Variants in TBC1D8 observed in about 807,000 individuals in gnomAD.
TBC1D8 encodes TBC1 domain family member 8.
In TBC1D8, 65 loss-of-function variants were observed where a neutral mutation model predicts 118.8. The observed-to-expected ratio is 0.55, with a 90% CI of 0.45 to 0.67. The LOEUF (loss-of-function observed/expected upper bound fraction) is 0.67. TBC1D8 is among the 30% of genes least tolerant of loss of function. The pLI is 0.00. For missense variants in TBC1D8, 1,376 were observed against 1,471.2 expected (o/e 0.94, Z 1.06); for synonymous variants, 566 against 595.8 (o/e 0.95, Z 0.73).
intron 1 of TBC1D8, among the ~76,000 whole-genome samples, chr2:101,092,620 G>T (rs561457700): frequency 6.6e-6 from 1 of 152,084 alleles, no homozygotes. Flanking sequence ...ATTGTCCCAG[G>T]TTTGGCCAGT....
intron 1 of TBC1D8, among the ~76,000 whole-genome samples, chr2:101,148,916 G>A (rs1679430139): frequency 6.6e-6 from 1 of 152,126 alleles, no homozygotes; most frequent in Non-Finnish European, 1.5e-5. Flanking sequence ...CCACCACAGA[G>A]CTGCCCTGTG....
intron 1 of TBC1D8, among the ~76,000 whole-genome samples, chr2:101,141,183 G>A (rs1679083841): frequency 6.6e-6 from 1 of 151,934 alleles, no homozygotes; most frequent in Admixed American, 6.6e-5. Flanking sequence ...AATAATTTCA[G>A]TTAGATCGTG....
intron 15 of TBC1D8, chr2:101,023,572 T>G (rs1207811249): frequency 2.5e-6 from 1 of 408,098 alleles, no homozygotes; most frequent in Non-Finnish European, 4.9e-6. Context: ...TTGCATATTT[T>G]TAATACTTTC....
intron 5 of TBC1D8, among the ~76,000 whole-genome samples, chr2:101,045,042 C>G (rs1681612198): frequency 6.6e-6 from 1 of 152,140 alleles, no homozygotes; most frequent in Non-Finnish European, 1.5e-5. Context: ...CCCAACCACC[C>G]TATCTTAACA....
intron 1 of TBC1D8, among the ~76,000 whole-genome samples, chr2:101,092,465 G>A (rs76339262): frequency 6.6e-6 from 1 of 152,124 alleles, no homozygotes; most frequent in Non-Finnish European, 1.5e-5. Context: ...CGAGTATTCT[G>A]TGGAGAAGTA....
At chr2:101,131,250 C>T (rs566796383) in intron 1 of TBC1D8, among the ~76,000 whole-genome samples, 4 of 152,230 alleles carry the variant, frequency 2.6e-5, no homozygotes, top group Admixed American at 6.5e-5. Context: ...CGGTGGCTCA[C>T]GCCTGTAATC....
intron 17 of TBC1D8, chr2:101,017,771 A>G: frequency 6.9e-7 from 1 of 1,442,652 alleles, no homozygotes; most frequent in Non-Finnish European, 9.5e-7. Flanking sequence ...ATAAGATGTT[A>G]CCAAAATCTT....
Position 101,008,286 on chromosome 2 carries a change from T to TAAG in TBC1D8, c.3016-16_3016-14dup, listed in dbSNP as rs1558962428. 1.3e-6 allele frequency: 2 copies of TAAG among 1,512,882 alleles called. No homozygotes were observed. Among genetic ancestry groups the TAAG allele is most frequent in the Non-Finnish European group, 1.8e-6 (2 of 1,132,034 alleles). The allele number at this position is 1,512,882 out of a possible 1,614,324, so 93.7% of individuals were successfully genotyped here. A position where few individuals can be genotyped will look rare whatever the true frequency, so the allele number is the denominator to read the frequency against. On this transcript the variant is annotated splice_polypyrimidine_tract_variant and intron_variant, in intron 19 of 19. Coordinates refer to ENST00000409318, the MANE Select transcript of TBC1D8 (RefSeq NM_001330348.2). ...GGATAAATTCTCTCTGAAATTGAAA[T>TAAG]AAGTCTTAGGTAGCAGCAGAACCAG...
At chr2:101,142,914 T>C (rs1679169948) in intron 1 of TBC1D8, among the ~76,000 whole-genome samples, 1 of 152,140 alleles carries the variant, frequency 6.6e-6, no homozygotes, top group Admixed American at 6.6e-5. Context: ...ATATATAGTG[T>C]TTGCTCCATT....
intron 17 of TBC1D8, among the ~76,000 whole-genome samples, chr2:101,016,757 A>G (rs1347647087): frequency 6.6e-6 from 1 of 152,212 alleles, no homozygotes; most frequent in East Asian, 1.9e-4. Flanking sequence ...AAAAATGATG[A>G]GTTCATGTCC....
chr2:101,071,548 A>G (rs1200271069), intron 2 of TBC1D8, among the ~76,000 whole-genome samples: 5 of 152,204 alleles, frequency 3.3e-5, no homozygotes, highest in Non-Finnish European at 7.3e-5. Flanking sequence ...TATAACACTA[A>G]CCATTATTTG....
At chr2:101,146,759 G>A (rs1394105389) in intron 1 of TBC1D8, among the ~76,000 whole-genome samples, 2 of 152,090 alleles carry the variant, frequency 1.3e-5, no homozygotes, top group Admixed American at 6.6e-5. Context: ...TAGCTATTCT[G>A]TAATACACGG....
chr2:101,098,831 C>T (rs1217746892), intron 1 of TBC1D8, among the ~76,000 whole-genome samples: 8 of 152,074 alleles, frequency 5.3e-5, no homozygotes, highest in Non-Finnish European at 1.0e-4. Context: ...AAAAAGACAA[C>T]GTACCAGAAT....
chr2:101,038,580 C>A lies in TBC1D8; in HGVS notation c.1156G>T (p.Ala386Ser). Residue 386 changes from alanine to serine, a missense_variant, in exon 7 of 20, where the codon GCC becomes TCC. Physicochemically the swap from Ala to Ser is moderately conservative, Grantham distance 99. Coordinates refer to ENST00000409318, the MANE Select transcript of TBC1D8 (RefSeq NM_001330348.2). ...TCCCGGAGCTCAATGAACTGGAAGG[C>A]CACCTTGCTTCTGATACTGACAATG... ...PIIVSIRSKV[A>S]FQFIELRDRD... 1 of 1,613,910 alleles carries A rather than the reference C, an allele frequency of 6.2e-7. No homozygotes were observed.
intron 3 of TBC1D8, among the ~76,000 whole-genome samples, chr2:101,056,041 CTT>C (rs113118928): frequency 0.012 from 1,653 of 142,630 alleles, 15 homozygotes; most frequent in Middle Eastern, 0.029. Flanking sequence ...TAACATTTCT[CTT>C]TTTTTTTTTT....
intron 1 of TBC1D8, among the ~76,000 whole-genome samples, chr2:101,137,399 G>A (rs1240701476): frequency 6.6e-6 from 1 of 151,836 alleles, no homozygotes; most frequent in Non-Finnish European, 1.5e-5. Context: ...TGCAAGCTCC[G>A]CCTCCCGGGT....
chr2:101,038,442 G>C lies in TBC1D8; in HGVS notation c.1275+19C>G. ...TGAGACATGAAGAAGGGGATCATCAGGGTCTGGAGGGACCATACCATGTCA... is the reference window on the plus strand; with the variant it reads ...TGAGACATGAAGAAGGGGATCATCACGGTCTGGAGGGACCATACCATGTCA... On this transcript the variant is annotated intron_variant, in intron 7 of 19. Coordinates refer to ENST00000409318, the MANE Select transcript of TBC1D8 (RefSeq NM_001330348.2). 1.2e-6 allele frequency: 2 copies of C among 1,606,940 alleles called. No homozygotes were observed. The highest frequency in any genetic ancestry group is 1.7e-6 in the Non-Finnish European group (2 of 1,174,736).
intron 1 of TBC1D8, among the ~76,000 whole-genome samples, chr2:101,098,457 A>G (rs1301937297): frequency 6.6e-6 from 1 of 152,138 alleles, no homozygotes; most frequent in Non-Finnish European, 1.5e-5. Flanking sequence ...TTAGATCAAC[A>G]AGACAGAAAA....
rs761982045 is a variant in TBC1D8 at position 101,018,985 on chromosome 2, ATTTCTGTGCTAG to A, written c.2827+2684_2827+2695del. The A allele has an allele frequency of 2.1e-5, 34 of 1,611,206 alleles. No homozygotes were observed. Among genetic ancestry groups the A allele is most frequent in the Middle Eastern group, 3.3e-4 (2 of 6,082 alleles). On this transcript the variant is annotated intron_variant, in intron 17 of 19. Transcript: ENST00000409318. ...GACATGGTACCAAATCATCTGTAAT[ATTTCTGTGCTAG>A]TTTCTGTGCTAAACAGTGTTACAGT...
Sources: allele counts gnomAD v4.1 joint callset (sites outside exome capture counted in the v4.1 genomes callset), GRCh38; gene constraint gnomAD v4.1.1; transcripts MANE v1.5; gene names NCBI Gene and HGNC (gene_info 2026-07-23, HGNC 2026-07-21).